VPS36: variants seen among roughly 807,000 people sequenced by gnomAD.
The protein encoded by VPS36 is vacuolar protein-sorting-associated protein 36.
A neutral mutation model predicts 63.5 loss-of-function variants in VPS36; 31 were observed. The observed-to-expected ratio is 0.49, with a 90% CI of 0.37 to 0.66. VPS36 has a LOEUF of 0.66. VPS36 is among the 30% of genes least tolerant of loss of function. The pLI, the probability that VPS36 is intolerant of heterozygous loss-of-function variation, is 0.00. For missense variants in VPS36, 338 were observed against 463.7 expected, an observed-to-expected ratio of 0.73 and a Z score of 2.49; for synonymous variants, 138 against 157.2, an observed-to-expected ratio of 0.88 and a Z score of 0.91.
At chr13:52,422,904 G>A (rs753881507) in intron 10 of VPS36, among the ~76,000 whole-genome samples, 5 of 152,072 alleles carry the variant, frequency 3.3e-5, no homozygotes, top group Admixed American at 6.6e-5. Flanking sequence ...ACATATTTTC[G>A]AGGGACCTGG....
intron 6 of VPS36, among the ~76,000 whole-genome samples, chr13:52,427,571 C>T (rs1270172353): frequency 1.3e-5 from 2 of 151,248 alleles, no homozygotes; most frequent in Non-Finnish European, 1.5e-5. Context: ...CGCGCCACTG[C>T]GCTCCAGCCT....
chr13:52,418,664 C>A (rs1313370830), intron 10 of VPS36, among the ~76,000 whole-genome samples: 1 of 149,398 alleles, frequency 6.7e-6, no homozygotes, highest in Non-Finnish European at 1.5e-5. Flanking sequence ...AACATAGAAC[C>A]AATTCAACAT....
intron 6 of VPS36, among the ~76,000 whole-genome samples, chr13:52,433,145 T>C (rs1276728835): frequency 6.6e-6 from 1 of 152,192 alleles, no homozygotes; most frequent in Non-Finnish European, 1.5e-5. Context: ...AATTTCCTCA[T>C]ATATCATGAA....
At chr13:52,417,909 T>C in intron 11 of VPS36, 83 bp downstream of exon 11, 1 of 1,162,310 alleles carries the variant, frequency 8.6e-7, no homozygotes. Flanking sequence ...ACACTAGGGA[T>C]GGCAAACTTG....
At chr13:52,419,567 C>G (rs1958025215) in intron 10 of VPS36, among the ~76,000 whole-genome samples, 1 of 152,142 alleles carries the variant, frequency 6.6e-6, no homozygotes, top group South Asian at 2.1e-4. Flanking sequence ...AGTACAGCCA[C>G]TATGAAAAAC....
intron 1 of VPS36, among the ~76,000 whole-genome samples, chr13:52,449,338 AAAAT>A (rs1958376434): frequency 6.6e-6 from 1 of 152,226 alleles, no homozygotes; most frequent in African/African-American, 2.4e-5. Context: ...ACTCTGTCTC[AAAAT>A]AAATAAATTA....
intron 5 of VPS36, 76 bp from the exon 6 acceptor site, chr13:52,433,824 G>T: frequency 7.4e-7 from 1 of 1,351,560 alleles, no homozygotes; most frequent in Non-Finnish European, 1.0e-6. Flanking sequence ...CAACCACATT[G>T]TGTTTTCAAT....
intron 1 of VPS36, among the ~76,000 whole-genome samples, chr13:52,445,638 C>CAAAAAAAAAAAAAAAAAAA (rs1260034533): frequency 1.4e-4 from 5 of 36,776 alleles, no homozygotes; most frequent in African/African-American, 4.5e-4. Flanking sequence ...GACTCCGTCT[C>CAAAAAAAAAAAAAAAAAAA]AAAAAAAAAA....
chr13:52,439,982 AT>A (rs1175787551), intron 2 of VPS36, among the ~76,000 whole-genome samples: 624 of 145,008 alleles, frequency 4.3e-3, no homozygotes, highest in Non-Finnish European at 6.8e-3. Context: ...CATATGTTTA[AT>A]TTTTTTTTTT....
intron 10 of VPS36, among the ~76,000 whole-genome samples, chr13:52,423,152 T>A (rs1333312499): frequency 6.6e-6 from 1 of 152,176 alleles, no homozygotes; most frequent in African/African-American, 2.4e-5. Flanking sequence ...AATTGCCCAG[T>A]CTCAGGTATG....
At chr13:52,417,004 C>CT (rs1189538838) in intron 12 of VPS36, 53 bp downstream of exon 12, 2 of 1,497,436 alleles carry the variant, frequency 1.3e-6, no homozygotes, top group Non-Finnish European at 1.8e-6. Flanking sequence ...GTTGCTAAGC[C>CT]TTCGGGTCTT....
In VPS36 at chr13:52,427,183, A is replaced by G. The variant is rs781083817; in HGVS notation, c.561+4T>C. On this transcript the variant is annotated splice_donor_region_variant and intron_variant, in intron 7 of 13. Coordinates refer to ENST00000378060, the MANE Select transcript of VPS36 (RefSeq NM_016075.4). Reference sequence around the variant, plus strand: ...TGAATTTAATAGGCATAAATGACATATACCTTGATCATTAGTTTGCTGAGG... The same window carrying G: ...TGAATTTAATAGGCATAAATGACATGTACCTTGATCATTAGTTTGCTGAGG... 6.2e-7 allele frequency: 1 copy of G among 1,613,336 alleles called. No homozygotes were observed. The highest frequency in any genetic ancestry group is 1.7e-5 in the Admixed American group (1 of 59,962).
intron 3 of VPS36, among the ~76,000 whole-genome samples, chr13:52,436,726 C>T (rs1024413934): frequency 6.6e-6 from 1 of 152,150 alleles, no homozygotes; most frequent in African/African-American, 2.4e-5. Context: ...CAACTACAAA[C>T]GTCCCCAGAG....
Position 52,427,182 on chromosome 13 carries a change from T to A in VPS36, c.561+5A>T. 1 of 1,613,160 alleles carries A rather than the reference T, an allele frequency of 6.2e-7. No individual in the cohort carries two copies. Among genetic ancestry groups the A allele is most frequent in the Non-Finnish European group, 8.5e-7 (1 of 1,179,434 alleles). On this transcript the variant is annotated splice_donor_5th_base_variant and intron_variant, in intron 7 of 13. Transcript: ENST00000378060. ...ATGAATTTAATAGGCATAAATGACA[T>A]ATACCTTGATCATTAGTTTGCTGAG...
At chr13:52,445,266 T>C (rs1469283793) in intron 1 of VPS36, among the ~76,000 whole-genome samples, 2 of 152,184 alleles carry the variant, frequency 1.3e-5, no homozygotes, top group African/African-American at 4.8e-5. Flanking sequence ...AATAACTAAG[T>C]TTACAATATT....
Position 52,429,318 on chromosome 13 carries a change from C to T in VPS36, c.529-2099G>A, listed in dbSNP as rs574538249. On this transcript the variant is annotated intron_variant, in intron 6 of 13. Coordinates refer to ENST00000378060, the MANE Select transcript of VPS36 (RefSeq NM_016075.4). ...CTTCAGTACTCTTGAATGTGCCTTG[C>T]ATATTCCATTCCCTTTTCCTGGGTT... 16 of 984,776 alleles carry T rather than the reference C, an allele frequency of 1.6e-5. No homozygotes were observed. In the African/African-American group the frequency reaches 2.8e-4, roughly 17 times the overall value. 61.0% of individuals were successfully genotyped at this position (984,776 alleles called of 1,614,324 possible).
intron 3 of VPS36, among the ~76,000 whole-genome samples, chr13:52,438,197 C>T (rs1958238155): frequency 6.6e-6 from 1 of 151,694 alleles, no homozygotes; most frequent in Non-Finnish European, 1.5e-5. Context: ...TTCAGATAAC[C>T]TGGAACAACC....
At position 52,441,319 on chromosome 13, in the gene VPS36, A is replaced by T. The variant is rs61959663; in HGVS notation, c.165+1058T>A. 2.6e-5 allele frequency among the ~76,000 whole-genome samples: 4 copies of T among 152,270 alleles called. No homozygotes were observed. The South Asian group carries it at 6.2e-4, about 24-fold the overall frequency. ...AATTTCACAGGGGTCTGGGGGAACA[A>T]TCAGGAAAATAAAAACAGATGAGAT... On this transcript the variant is annotated intron_variant, in intron 2 of 13. Coordinates refer to ENST00000378060, the MANE Select transcript of VPS36 (RefSeq NM_016075.4).
chr13:52,447,168 C>G (rs1044267262), intron 1 of VPS36, among the ~76,000 whole-genome samples: 1 of 152,122 alleles, frequency 6.6e-6, no homozygotes, highest in Non-Finnish European at 1.5e-5. Context: ...TGAGCCACCA[C>G]GCCTGGCCCC....
Sources: gnomAD v4.1 joint callset for allele counts (sites outside exome capture counted in the v4.1 genomes callset) on GRCh38, gnomAD v4.1.1 for gene constraint, MANE v1.5 for transcripts, NCBI Gene and HGNC (gene_info 2026-07-23, HGNC 2026-07-21) for gene names.